Variants in SH3D19 observed in about 807,000 individuals in gnomAD.
The protein encoded by SH3D19 is SH3 domain containing 19, also known as SH3 domain-containing protein 19.
A neutral mutation model predicts 112.1 loss-of-function variants in SH3D19; 58 were observed. The observed-to-expected ratio is 0.52, with a 90% CI of 0.42 to 0.64. SH3D19 has a LOEUF of 0.64. Among genes scored for constraint, SH3D19 ranks in the 30% least tolerant of loss-of-function variants. SH3D19 has a pLI of 0.00. For missense variants in SH3D19, 1,090 were observed against 1,263.4 expected, an observed-to-expected ratio of 0.86 and a Z score of 2.08; for synonymous variants, 391 against 448.5, an observed-to-expected ratio of 0.87 and a Z score of 1.62.
At position 151,218,780 on chromosome 4, in the gene SH3D19, A is replaced by G. The variant is rs571352387; in HGVS notation, c.152+7267T>C. ...AGTACCTATACGTAGTCATAAAAAT[A>G]TACAACAAACAATGTATTATTTGTG... On this transcript the variant is annotated intron_variant, in intron 2 of 19. Coordinates refer to ENST00000604030, the MANE Select transcript of SH3D19 (RefSeq NM_001378122.1). Among the ~76,000 whole-genome samples, 3 of 152,334 alleles carry G rather than the reference A, an allele frequency of 2.0e-5. No individual in the cohort carries two copies. In the East Asian group the frequency reaches 5.8e-4, roughly 29 times the overall value.
chr4:151,126,650 T>A (rs1385834896), intron 19 of SH3D19, among the ~76,000 whole-genome samples: 1 of 150,698 alleles, frequency 6.6e-6, no homozygotes, highest in African/African-American at 2.4e-5. Context: ...TACAAAAAAA[T>A]TAGCTGGGCA....
chr4:151,263,690 T>C (rs1329810355), intron 1 of SH3D19, among the ~76,000 whole-genome samples: 1 of 152,234 alleles, frequency 6.6e-6, no homozygotes, highest in Non-Finnish European at 1.5e-5. Context: ...TTACCATTCA[T>C]GTGGGCCTCG....
At position 151,175,044 on chromosome 4, in the gene SH3D19, G is replaced by T; in HGVS notation, c.1160C>A (p.Pro387Gln). ...AACACTTCGTATAAGGCCAGGGTTT[G>T]GTTTCTTTGGCAATTCAGGTTTGGT... is the stretch of plus-strand genomic sequence containing the variant. ...PVTKPELPKK[P>Q]NPGLIRSVNP... Residue 387 changes from proline to glutamine, a missense_variant, in exon 7 of 20, where the codon CCA (proline) becomes CAA (glutamine). Pro to Gln is a moderately conservative substitution (Grantham distance 76). Coordinates refer to ENST00000604030, the MANE Select transcript of SH3D19 (RefSeq NM_001378122.1). 1 of 1,614,200 alleles carries T rather than the reference G, an allele frequency of 6.2e-7. No individual in the cohort carries two copies.
At position 151,125,493 on chromosome 4, in the gene SH3D19, A is replaced by AAAACC. The variant is rs1561184795; in HGVS notation, c.3027+2124_3027+2125insGGTTT. On this transcript the variant is annotated intron_variant, in intron 19 of 19. Transcript: ENST00000604030. Reference sequence around the variant, plus strand: ...AAACAAAACAAAACAAAACAAAACCAAAAAAAAAAAAAAAGAAAGAAAGAA... The same window carrying AAAACC: ...AAACAAAACAAAACAAAACAAAACCAAAACCAAAAAAAAAAAAAAGAAAGAAAGAA... Among the ~76,000 whole-genome samples, 143 of 95,448 alleles carry AAAACC rather than the reference A, an allele frequency of 1.5e-3. 1 individual carries two copies. The highest frequency in any genetic ancestry group is 6.0e-3 in the Middle Eastern group (1 of 166). The allele number at this position is 95,448 out of a possible 152,430, so 62.6% of individuals were successfully genotyped here. A position where few individuals can be genotyped will look rare whatever the true frequency, so the allele number is the denominator to read the frequency against.
chr4:151,297,733 A>G (rs1775800962), intron 1 of SH3D19, among the ~76,000 whole-genome samples: 2 of 152,224 alleles, frequency 1.3e-5, no homozygotes, highest in Non-Finnish European at 2.9e-5. Context: ...TAGGCTAAAC[A>G]ATAGCCCCTC....
chr4:151,283,275 G>A, intron 1 of SH3D19: 1 of 1,613,520 alleles, frequency 6.2e-7, no homozygotes, highest in Non-Finnish European at 8.5e-7. Flanking sequence ...AAACATGAAG[G>A]ATAGTTGCAA....
At chr4:151,232,327 G>T (rs1364538710) in intron 1 of SH3D19, among the ~76,000 whole-genome samples, 1 of 152,044 alleles carries the variant, frequency 6.6e-6, no homozygotes, top group African/African-American at 2.4e-5. Flanking sequence ...TCTGGCCCCA[G>T]TTTCTTCCCT....
chr4:151,122,394 T>C (rs1748116226), intron 19 of SH3D19, among the ~76,000 whole-genome samples, 187 bp from the exon 20 acceptor site: 1 of 152,092 alleles, frequency 6.6e-6, no homozygotes. Context: ...ATCCCTTAAA[T>C]CTCATTCCTT....
intron 1 of SH3D19, among the ~76,000 whole-genome samples, chr4:151,298,659 T>C (rs1038429251): frequency 6.6e-6 from 1 of 152,132 alleles, no homozygotes; most frequent in Non-Finnish European, 1.5e-5. Context: ...TCTGTTTGAA[T>C]CATGGACCCT....
intron 2 of SH3D19, among the ~76,000 whole-genome samples, chr4:151,189,182 C>T (rs554378381): frequency 7.9e-5 from 12 of 151,182 alleles, no homozygotes; most frequent in Admixed American, 2.6e-4. Context: ...GGTGTGATCT[C>T]GGCTCACTGC....
intron 8 of SH3D19, among the ~76,000 whole-genome samples, chr4:151,163,155 C>A (rs1250436144): frequency 6.6e-6 from 1 of 152,172 alleles, no homozygotes; most frequent in Non-Finnish European, 1.5e-5. Context: ...TCTGACTCCA[C>A]CAGTAGAAGA....
chr4:151,154,712 G>T (rs896742708), intron 9 of SH3D19, among the ~76,000 whole-genome samples: 12 of 152,018 alleles, frequency 7.9e-5, no homozygotes, highest in Non-Finnish European at 1.8e-4. Context: ...GAGCAGCTGG[G>T]ACTACAGGTG....
At chr4:151,187,207 T>C (rs79248650) in intron 3 of SH3D19, among the ~76,000 whole-genome samples, 3,738 of 152,096 alleles carry the variant, frequency 0.025, 142 homozygotes, top group African/African-American at 0.083. Flanking sequence ...AACCCCAGCT[T>C]TGTTCTGCAA....
chr4:151,142,814 C>T (rs540618493), intron 12 of SH3D19, among the ~76,000 whole-genome samples: 1 of 152,186 alleles, frequency 6.6e-6, no homozygotes, highest in South Asian at 2.1e-4. Flanking sequence ...AGCCATGAAC[C>T]CAGAAGCATA....
chr4:151,312,910 A>AAAAATAAAT (rs1561453197), intron 1 of SH3D19, among the ~76,000 whole-genome samples: 1 of 149,620 alleles, frequency 6.7e-6, no homozygotes, highest in Non-Finnish European at 1.5e-5. Flanking sequence ...CAAAAAAAAA[A>AAAAATAAAT]AAAATAAATA....
chr4:151,192,594 A>G lies in SH3D19; in HGVS notation c.153-5131T>C, dbSNP rs144361509. Among the ~76,000 whole-genome samples, 4 of 152,306 alleles carry G rather than the reference A, an allele frequency of 2.6e-5. No individual in the cohort carries two copies. In the South Asian group the frequency reaches 6.2e-4, roughly 24 times the overall value. ...AATGATTTGCATTTCTGCTGAAATT[A>G]TTATTTACCATTTACAATCATTCTG... On this transcript the variant is annotated intron_variant, in intron 2 of 19. Transcript: ENST00000604030.
intron 1 of SH3D19, chr4:151,279,976 G>A: frequency 7.3e-7 from 1 of 1,369,114 alleles, no homozygotes; most frequent in Non-Finnish European, 9.7e-7. Context: ...CTAGCTGGCA[G>A]CTAACACACA....
intron 3 of SH3D19, among the ~76,000 whole-genome samples, chr4:151,184,787 T>C (rs186619881): frequency 8.7e-4 from 133 of 152,318 alleles, no homozygotes; most frequent in Non-Finnish European, 1.6e-3. Context: ...CCAAATTTCA[T>C]AGAAGAGTAG....
chr4:151,132,316 G>A lies in SH3D19; in HGVS notation c.2742+15C>T, dbSNP rs762935228. 1 of 1,613,010 alleles carries A rather than the reference G, an allele frequency of 6.2e-7. No homozygotes were observed. Among genetic ancestry groups the A allele is most frequent in the East Asian group, 2.2e-5 (1 of 44,870 alleles). On this transcript the variant is annotated intron_variant, in intron 17 of 19. Coordinates refer to ENST00000604030, the MANE Select transcript of SH3D19 (RefSeq NM_001378122.1). Reference sequence around the variant, plus strand: ...AACCTGGCTGTCACTATAGTCATCTGTTCAAGCAGCCTACCTGAGAGTTTG... The same window carrying A: ...AACCTGGCTGTCACTATAGTCATCTATTCAAGCAGCCTACCTGAGAGTTTG...
Sources: allele counts gnomAD v4.1 joint callset (sites outside exome capture counted in the v4.1 genomes callset), GRCh38; gene constraint gnomAD v4.1.1; transcripts MANE v1.5; gene names NCBI Gene and HGNC (gene_info 2026-07-23, HGNC 2026-07-21).